Variants in TSNARE1 observed in about 807,000 individuals in gnomAD.
The protein encoded by TSNARE1 is t-SNARE domain containing 1.
Under a neutral mutation model 62.0 loss-of-function variants are expected in TSNARE1, and 49 were observed. The ratio of observed to expected loss-of-function variants is 0.79; its 90% CI spans 0.63 to 1.00. The LOEUF is 1.00. Among genes scored for constraint, TSNARE1 ranks in the 50% least tolerant of loss-of-function variants. TSNARE1 has a pLI of 0.00. For synonymous variants in TSNARE1, 328 were observed against 294.4 expected (o/e 1.11, Z -1.17); for missense variants, 755 against 700.1 (o/e 1.08, Z -0.88).
rs577320939 is a variant in TSNARE1, at chr8:142,379,948, GGCCTTCTTGT to G, written c.-40+23146_-40+23155del. 7.8e-3 allele frequency among the ~76,000 whole-genome samples: 1,190 copies of G among 152,300 alleles called. 10 individuals carry two copies. The highest frequency in any genetic ancestry group is 8.1e-3 in the Non-Finnish European group (550 of 68,020). On this transcript the variant is annotated intron_variant, in intron 1 of 13. Coordinates refer to ENST00000524325, the MANE Select transcript of TSNARE1 (RefSeq NM_145003.5). The stretch of plus-strand genomic sequence containing the variant: ...ATCCCCCTCTCCCCAGGGTCTGAAG[GGCCTTCTTGT>G]GCCGCTGCCCCCAGCAGAGGAGAGA...
chr8:142,345,883 C>A lies in TSNARE1; in HGVS notation c.98G>T (p.Arg33Ile), dbSNP rs781167923. 2 of 1,613,588 alleles carry A rather than the reference C, an allele frequency of 1.2e-6. No individual in the cohort carries two copies. Among genetic ancestry groups the A allele is most frequent in the South Asian group, 1.1e-5 (1 of 90,990 alleles). ...RQGCQPLECA[R>I]CWTEYGIRHF... ...GCGGATTCCATACTCGGTCCAACAT[C>A]TAGCGCACTCTACGGACAGCAAGGG... Residue 33 changes from arginine to isoleucine, a missense_variant, in exon 3 of 14, where the codon AGA (arginine) becomes ATA (isoleucine). Arg to Ile is a moderately conservative substitution (Grantham distance 97). Coordinates refer to ENST00000524325, the MANE Select transcript of TSNARE1 (RefSeq NM_145003.5).
At chr8:142,215,006 G>A (rs1815762966) in intron 13 of TSNARE1, among the ~76,000 whole-genome samples, 1 of 152,204 alleles carries the variant, frequency 6.6e-6, no homozygotes, top group Non-Finnish European at 1.5e-5. Flanking sequence ...CCACCTCAGG[G>A]GCTTCACCTC....
chr8:142,398,811 T>C (rs141694832), intron 1 of TSNARE1, among the ~76,000 whole-genome samples: 2 of 152,316 alleles, frequency 1.3e-5, no homozygotes, highest in East Asian at 3.9e-4. Flanking sequence ...ACTGTCCTGC[T>C]TGCCTGCAGT....
chr8:142,389,070 C>T (rs1478376119), intron 1 of TSNARE1, among the ~76,000 whole-genome samples: 1 of 152,112 alleles, frequency 6.6e-6, no homozygotes, highest in African/African-American at 2.4e-5. Context: ...CCTAACGAAA[C>T]AGGATAGAGA....
intron 12 of TSNARE1, among the ~76,000 whole-genome samples, chr8:142,260,768 C>T (rs1308684822): frequency 6.6e-6 from 1 of 151,506 alleles, no homozygotes; most frequent in Non-Finnish European, 1.5e-5. Flanking sequence ...TTACTGAGCA[C>T]CTACTGCATG....
Position 142,278,872 on chromosome 8 carries a change from CG to C in TSNARE1, c.1364-4010del, listed in dbSNP as rs970898679. 6.9e-5 allele frequency: 62 copies of C among 904,208 alleles called. No individual in the cohort carries two copies. The African/African-American group carries it at 1.1e-3, about 16-fold the overall frequency. The allele number at this position is 904,208 out of a possible 1,614,324, so 56.0% of individuals were successfully genotyped here. Reference sequence around the variant, plus strand: ...GGCCAGAGTGAGGCACAGCGTGGGGCGGGGAAGAGTCAAGCTGGGGCCCAGG... The same window carrying C: ...GGCCAGAGTGAGGCACAGCGTGGGGCGGGAAGAGTCAAGCTGGGGCCCAGG... On this transcript the variant is annotated intron_variant, in intron 11 of 13. Coordinates refer to ENST00000524325, the MANE Select transcript of TSNARE1 (RefSeq NM_145003.5).
At chr8:142,399,604 G>A (rs77953648) in intron 1 of TSNARE1, among the ~76,000 whole-genome samples, 1,527 of 152,270 alleles carry the variant, frequency 0.01, 13 homozygotes, top group East Asian at 0.021. Context: ...GGACAGCGCC[G>A]GCCATGAGCT....
chr8:142,354,125 T>C (rs1165296309), intron 2 of TSNARE1, among the ~76,000 whole-genome samples: 1 of 151,788 alleles, frequency 6.6e-6, no homozygotes, highest in Non-Finnish European at 1.5e-5. Flanking sequence ...GCCTGCAGGG[T>C]GGGGGTGGAT....
chr8:142,346,040 TC>T, intron 2 of TSNARE1, 148 bp from the exon 3 acceptor site: 2 of 858,374 alleles, frequency 2.3e-6, no homozygotes, highest in Non-Finnish European at 3.5e-6. Flanking sequence ...GCCTGCTATA[TC>T]CTCTGGATCA....
chr8:142,284,462 C>G lies in TSNARE1; in HGVS notation c.1314G>C (p.Gln438His), dbSNP rs1464526722. The change falls in exon 11 of 14, where the codon CAG (glutamine) becomes CAC (histidine). Residue 438 changes from glutamine (Q) to histidine (H), a missense_variant. Transcript: ENST00000524325. ...QMESNLLDVN[Q>H]IIKDLASMVS... ...CCATGGAGGCCAAGTCCTTGATGAT[C>G]TGATTCACATCCAGCAAGTTGCTCT... is the stretch of plus-strand genomic sequence containing the variant. The G allele has an allele frequency of 4.3e-6, 7 of 1,613,728 alleles. No homozygotes were observed. Among genetic ancestry groups the G allele is most frequent in the African/African-American group, 1.3e-5 (1 of 74,940 alleles).
chr8:142,356,187 G>A (rs1302343424), intron 1 of TSNARE1, among the ~76,000 whole-genome samples: 2 of 152,184 alleles, frequency 1.3e-5, no homozygotes, highest in African/African-American at 4.8e-5. Context: ...CAGGACAGCT[G>A]GACTCACACC....
At chr8:142,295,008 C>A (rs149426697) in intron 10 of TSNARE1, among the ~76,000 whole-genome samples, 250 of 152,292 alleles carry the variant, frequency 1.6e-3, no homozygotes, top group African/African-American at 5.8e-3. Context: ...GGGGCTCCAG[C>A]CCGGACCAGC....
rs56817923 is a variant in TSNARE1 at position 142,237,159 on chromosome 8, C to CCCT, written c.1447-7581_1447-7580insAGG. On this transcript the variant is annotated intron_variant, in intron 12 of 13. Coordinates refer to ENST00000524325, the MANE Select transcript of TSNARE1 (RefSeq NM_145003.5). ...ACCTCCTGCTCAGCCTCCCCTCCTG[C>CCCT]GGCCCGACTCACCTGCCGCCTGCAG... 8.3e-3 allele frequency among the ~76,000 whole-genome samples: 1,267 copies of CCCT among 152,138 alleles called. 40 individuals are homozygous for CCCT. Among genetic ancestry groups the CCCT allele is most frequent in the Admixed American group, 0.044 (670 of 15,282 alleles).
At chr8:142,288,856 T>G (rs1554643146) in intron 10 of TSNARE1, among the ~76,000 whole-genome samples, 1 of 152,234 alleles carries the variant, frequency 6.6e-6, no homozygotes, top group Non-Finnish European at 1.5e-5. Context: ...AAGCCTTCAG[T>G]GCAGTGGCTG....
In TSNARE1 at chr8:142,220,739, C is replaced by G. The variant is rs574603954; in HGVS notation, c.*12-8426G>C. Among the ~76,000 whole-genome samples the G allele has an allele frequency of 1.1e-3, 163 of 152,330 alleles. 3 individuals are homozygous for G. The South Asian group carries it at 0.033, about 30-fold the overall frequency. The stretch of plus-strand genomic sequence containing the variant: ...CCACCAAAAGGCAAACAGACCCTCG[C>G]ACAGCGCCCCAGCCGGCAGGCAGTG... On this transcript the variant is annotated intron_variant, in intron 13 of 13. Coordinates refer to ENST00000524325, the MANE Select transcript of TSNARE1 (RefSeq NM_145003.5).
At chr8:142,278,064 C>T (rs1820788744) in intron 11 of TSNARE1, 1 of 985,294 alleles carries the variant, frequency 1.0e-6, no homozygotes, top group Admixed American at 6.1e-5. Flanking sequence ...CTGCACAGGC[C>T]TGAGAGGACC....
rs1200636318 is a variant in TSNARE1, at chr8:142,272,603, C to T, written c.1446+2178G>A. The stretch of plus-strand genomic sequence containing the variant: ...ACACCTTCCTCCTTCCATCCACCCA[C>T]CCATCTACACCTTCCTCCTTCCATC... On this transcript the variant is annotated intron_variant, in intron 12 of 13. Coordinates refer to ENST00000524325, the MANE Select transcript of TSNARE1 (RefSeq NM_145003.5). 4 of 440,528 alleles carry T rather than the reference C, an allele frequency of 9.1e-6. 1 individual carries two copies. Among genetic ancestry groups the T allele is most frequent in the Non-Finnish European group, 2.6e-6 (1 of 378,848 alleles). The allele number at this position is 440,528 out of a possible 1,614,324, so 27.3% of individuals were successfully genotyped here.
At chr8:142,315,812 G>A (rs577384660) in intron 7 of TSNARE1, among the ~76,000 whole-genome samples, 2 of 152,222 alleles carry the variant, frequency 1.3e-5, no homozygotes, top group Admixed American at 6.5e-5. Context: ...GGGCTGGTCT[G>A]GGGTAAACCT....
At chr8:142,383,077 G>A (rs1234666925) in intron 1 of TSNARE1, among the ~76,000 whole-genome samples, 1 of 152,214 alleles carries the variant, frequency 6.6e-6, no homozygotes, top group Admixed American at 6.5e-5. Flanking sequence ...GACAGGGAAA[G>A]GCTGGCCCTA....
Sources: allele counts gnomAD v4.1 joint callset (sites outside exome capture counted in the v4.1 genomes callset), GRCh38; gene constraint gnomAD v4.1.1; transcripts MANE v1.5; gene names NCBI Gene and HGNC (gene_info 2026-07-23, HGNC 2026-07-21).